TBCE: variants seen among roughly 807,000 people sequenced by gnomAD.
TBCE encodes the protein tubulin folding cofactor E.
In TBCE, 53 loss-of-function variants were observed where a neutral mutation model predicts 77.0. The ratio of observed to expected loss-of-function variants is 0.69; its 90% CI spans 0.55 to 0.87. The LOEUF is 0.87. Ranked by LOEUF, TBCE falls within the 40% of genes least tolerant of loss-of-function variation. The pLI, the probability that TBCE is intolerant of heterozygous loss-of-function variation, is 0.00. For synonymous variants in TBCE, 235 were observed against 241.3 expected, an observed-to-expected ratio of 0.97 and a Z score of 0.24; for missense variants, 624 against 622.4, an observed-to-expected ratio of 1.00 and a Z score of -0.03.
At chr1:235,442,726 C>T (rs1159413258) in intron 14 of TBCE, 126 bp from the exon 15 acceptor site, 1 of 835,218 alleles carries the variant, frequency 1.2e-6, no homozygotes. Flanking sequence ...GAATTTTAAA[C>T]ATTGATTAGA....
At chr1:235,377,898 G>A (rs908518636) in intron 1 of TBCE, among the ~76,000 whole-genome samples, 11 of 151,786 alleles carry the variant, frequency 7.2e-5, no homozygotes, top group African/African-American at 2.4e-4. Flanking sequence ...TGATCCACCC[G>A]CCTCGGCCTC....
intron 15 of TBCE, among the ~76,000 whole-genome samples, chr1:235,444,083 G>A (rs1682079563): frequency 6.6e-6 from 1 of 152,156 alleles, no homozygotes. Flanking sequence ...GCCCATCAGT[G>A]CAGTAAATTC....
chr1:235,406,762 A>C lies in TBCE; in HGVS notation c.185+5175A>C, dbSNP rs544639578. Among the ~76,000 whole-genome samples, 594 of 150,538 alleles carry C rather than the reference A, an allele frequency of 3.9e-3. 4 individuals are homozygous for C. Among genetic ancestry groups the C allele is most frequent in the African/African-American group, 0.014 (567 of 40,870 alleles). ...GGCCAGACTGGTCTCGAACTCCTGAACTTTTGATCTGCCCACCTCGGCCTC... is the reference window on the plus strand; with the variant it reads ...GGCCAGACTGGTCTCGAACTCCTGACCTTTTGATCTGCCCACCTCGGCCTC... On this transcript the variant is annotated intron_variant, in intron 3 of 16. Transcript: ENST00000642610.
Position 235,400,086 on chromosome 1 carries a change from T to C in TBCE, c.101-1417T>C, listed in dbSNP as rs76758795. On this transcript the variant is annotated intron_variant, in intron 2 of 16. Transcript: ENST00000642610. ...AGAGGTAAGTCTAGAGATTAAAATATGCATCTCTGGTTTACAGAAATCTAG... is the reference window on the plus strand; with the variant it reads ...AGAGGTAAGTCTAGAGATTAAAATACGCATCTCTGGTTTACAGAAATCTAG... Among the ~76,000 whole-genome samples the C allele has an allele frequency of 5.5e-3, 839 of 152,312 alleles. 8 individuals are homozygous for C. Among genetic ancestry groups the C allele is most frequent in the African/African-American group, 0.02 (815 of 41,578 alleles).
At chr1:235,410,588 A>G (rs1226133253) in intron 3 of TBCE, among the ~76,000 whole-genome samples, 2 of 152,184 alleles carry the variant, frequency 1.3e-5, no homozygotes, top group African/African-American at 4.8e-5. Context: ...CTCCTAGTTC[A>G]TCCTGAGACT....
intron 7 of TBCE, chr1:235,433,855 T>C (rs1558386773): frequency 3.9e-6 from 1 of 258,528 alleles, no homozygotes; most frequent in Middle Eastern, 1.3e-3. Flanking sequence ...GTGTGTAACA[T>C]CAATTTACTT....
At chr1:235,448,544 T>A in intron 16 of TBCE, 104 bp downstream of exon 16, 1 of 1,385,958 alleles carries the variant, frequency 7.2e-7, no homozygotes, top group Non-Finnish European at 1.0e-6. Flanking sequence ...ATGGAGACCA[T>A]GGGTCTGTTT....
intron 4 of TBCE, chr1:235,418,957 A>G (rs4659859): frequency 0.48 from 88,972 of 184,066 alleles, 22,244 homozygotes; most frequent in East Asian, 0.64. Context: ...CTGTAATCCC[A>G]GCACTTTGGG....
At chr1:235,427,308 C>A in intron 6 of TBCE, 69 bp downstream of exon 6, 1 of 1,227,632 alleles carries the variant, frequency 8.1e-7, no homozygotes, top group Non-Finnish European at 1.2e-6. Flanking sequence ...CTCACAGCAT[C>A]TCTGTGGAAA....
intron 2 of TBCE, among the ~76,000 whole-genome samples, chr1:235,398,403 C>T (rs560302522): frequency 3.3e-5 from 5 of 151,866 alleles, no homozygotes; most frequent in Non-Finnish European, 1.5e-5. Flanking sequence ...GACTTGGCCT[C>T]CATAAGTGCT....
At chr1:235,375,521 C>T (rs1196523690) in intron 1 of TBCE, among the ~76,000 whole-genome samples, 3 of 151,950 alleles carry the variant, frequency 2.0e-5, no homozygotes. Context: ...AGTGGTTGTC[C>T]TAGCAACAGG....
At chr1:235,448,197 TA>T in intron 15 of TBCE, 151 bp from the exon 16 acceptor site, 3 of 664,316 alleles carry the variant, frequency 4.5e-6, no homozygotes, top group Non-Finnish European at 7.7e-6. Flanking sequence ...AAGACTTACT[TA>T]AGTAAGTAAG....
chr1:235,441,867 A>C lies in TBCE; in HGVS notation c.1324A>C (p.Lys442Gln). The change falls in exon 14 of 17, where the codon AAA (lysine) becomes CAA (glutamine). Residue 442 changes from lysine (K) to glutamine (Q), a missense_variant. Transcript: ENST00000642610. ...ELKTQQPLML[K>Q]NQLLTLKIKY... ...CAAAACACAGCAACCACTTATGCTG[A>C]AAAACCAGCTACTAAGTAAGAATCT... The C allele has an allele frequency of 1.2e-6, 2 of 1,614,004 alleles. No homozygotes were observed. The highest frequency in any genetic ancestry group is 1.7e-6 in the Non-Finnish European group (2 of 1,179,926).
chr1:235,448,210 A>C (rs78421351), intron 15 of TBCE, 139 bp from the exon 16 acceptor site: 8,421 of 719,040 alleles, frequency 0.012, 291 homozygotes, highest in Admixed American at 0.096. Context: ...GTAAGTAAGT[A>C]AGTCAGTCTC....
rs181804226 is a variant in TBCE, at chr1:235,404,684, T to G, written c.185+3097T>G. On this transcript the variant is annotated intron_variant, in intron 3 of 16. Coordinates refer to ENST00000642610, the MANE Select transcript of TBCE (RefSeq NM_003193.5). ...TTATAAACTTTAAATTTTTTTTTTT[T>G]TTGGGATGGATTCTTGCTCTGTCAC... Among the ~76,000 whole-genome samples, 344 of 152,146 alleles carry G rather than the reference T, an allele frequency of 2.3e-3. 1 individual carries two copies. Among genetic ancestry groups the G allele is most frequent in the Non-Finnish European group, 3.7e-3 (251 of 68,002 alleles).
intron 5 of TBCE, among the ~76,000 whole-genome samples, chr1:235,424,203 C>T (rs1680568207): frequency 6.6e-6 from 1 of 152,058 alleles, no homozygotes; most frequent in African/African-American, 2.4e-5. Context: ...GTTTGTTCTG[C>T]TATGAGAAAG....
At chr1:235,392,151 T>C (rs1003842386) in intron 2 of TBCE, among the ~76,000 whole-genome samples, 1 of 151,750 alleles carries the variant, frequency 6.6e-6, no homozygotes, top group Non-Finnish European at 1.5e-5. Context: ...ACAAGATCCC[T>C]GTCTCTAGCA....
chr1:235,450,171 G>C lies in TBCE; in HGVS notation c.*1409G>C, dbSNP rs570282902. 1.2e-4 allele frequency: 187 copies of C among 1,612,566 alleles called. 2 individuals are homozygous for C. The South Asian group carries it at 2.0e-3, about 17-fold the overall frequency. ...CTTGCACTCAGATTATCGTTTGCCT[G>C]CCCTGATTTTAGACTCTGCTAATTC... On this transcript the variant is annotated 3_prime_UTR_variant, in exon 17 of 17. Transcript: ENST00000642610.
Position 235,387,073 on chromosome 1 carries a change from G to A in TBCE, c.100+6924G>A, listed in dbSNP as rs111436972. On this transcript the variant is annotated intron_variant, in intron 2 of 16. Coordinates refer to ENST00000642610, the MANE Select transcript of TBCE (RefSeq NM_003193.5). ...GTTTGCTAGAGGTCCACTCCAGACC[G>A]TTTGCCTGGGTATCAGCAGCAGTGG... Among the ~76,000 whole-genome samples, 75 of 152,292 alleles carry A rather than the reference G, an allele frequency of 4.9e-4. No individual in the cohort carries two copies. The East Asian group carries it at 0.011, about 22-fold the overall frequency.
Sources: gnomAD v4.1 joint callset for allele counts (sites outside exome capture counted in the v4.1 genomes callset) on GRCh38, gnomAD v4.1.1 for gene constraint, MANE v1.5 for transcripts, NCBI Gene and HGNC (gene_info 2026-07-23, HGNC 2026-07-21) for gene names.